Variants in MYO1B observed in about 807,000 individuals in gnomAD.
MYO1B encodes myosin IB.
In MYO1B, 72 loss-of-function variants were observed where a neutral mutation model predicts 159.7. That is an observed-to-expected ratio of 0.45 (90% CI 0.37 to 0.55). MYO1B has a LOEUF of 0.55. Among genes scored for constraint, MYO1B ranks in the 20% least tolerant of loss-of-function variants. The pLI is 0.00. For missense variants in MYO1B, 1,062 were observed against 1,364.8 expected, an observed-to-expected ratio of 0.78 and a Z score of 3.50; for synonymous variants, 468 against 473.8, an observed-to-expected ratio of 0.99 and a Z score of 0.16.
intron 3 of MYO1B, among the ~76,000 whole-genome samples, chr2:191,315,731 A>G (rs1382547675): frequency 6.6e-6 from 1 of 152,252 alleles, no homozygotes; most frequent in African/African-American, 2.4e-5. Context: ...TTAGTAATGC[A>G]TTTTAGATAG....
Position 191,276,878 on chromosome 2 carries a change from C to A in MYO1B, c.-9-9C>A. On this transcript the variant is annotated splice_polypyrimidine_tract_variant and intron_variant, in intron 1 of 30. Transcript: ENST00000392318. Reference sequence around the variant, plus strand: ...CGTTTAAATTGACCCCTTTCCCTCTCTTCTGCAGCTGGAGACCATGGCCAA... The same window carrying A: ...CGTTTAAATTGACCCCTTTCCCTCTATTCTGCAGCTGGAGACCATGGCCAA... The A allele has an allele frequency of 1.3e-6, 2 of 1,595,738 alleles. No homozygotes were observed. Among genetic ancestry groups the A allele is most frequent in the South Asian group, 1.1e-5 (1 of 88,446 alleles).
chr2:191,314,236 A>G (rs1455108785), intron 3 of MYO1B, among the ~76,000 whole-genome samples: 1 of 152,008 alleles, frequency 6.6e-6, no homozygotes. Context: ...CTGTTCATCC[A>G]TTTTTCATGT....
At chr2:191,288,398 C>T (rs1688507077) in intron 2 of MYO1B, among the ~76,000 whole-genome samples, 1 of 152,154 alleles carries the variant, frequency 6.6e-6, no homozygotes. Context: ...CTGGAGCTTT[C>T]TCGGACCTCT....
Position 191,249,066 on chromosome 2 carries a change from G to C in MYO1B, c.-10+3440G>C, listed in dbSNP as rs117416648. ...ACATTTAAAAATAAGTTCTTTTTTC[G>C]AAACATTTAAAAGTGGTAGAACAGA... On this transcript the variant is annotated intron_variant, in intron 1 of 30. Transcript: ENST00000392318. 6.2e-4 allele frequency among the ~76,000 whole-genome samples: 94 copies of C among 152,080 alleles called. 1 individual carries two copies. The East Asian group carries it at 0.01, about 17-fold the overall frequency.
At chr2:191,381,648 A>G in intron 14 of MYO1B, 82 bp downstream of exon 14, 1 of 1,002,496 alleles carries the variant, frequency 1.0e-6, no homozygotes, top group Non-Finnish European at 1.5e-6. Context: ...TAGCCTAAAC[A>G]AGAAGCCATA....
chr2:191,278,027 C>T (rs1432266770), intron 2 of MYO1B, among the ~76,000 whole-genome samples: 1 of 152,160 alleles, frequency 6.6e-6, no homozygotes, highest in Non-Finnish European at 1.5e-5. Context: ...AAATTATATG[C>T]AAATTATGAG....
intron 18 of MYO1B, among the ~76,000 whole-genome samples, chr2:191,390,866 G>C (rs1037868142): frequency 1.3e-5 from 2 of 152,224 alleles, no homozygotes; most frequent in Non-Finnish European, 2.9e-5. Flanking sequence ...CAGTGGATGG[G>C]TGAAGGTCCC....
At chr2:191,251,054 G>T (rs543620802) in intron 1 of MYO1B, among the ~76,000 whole-genome samples, 7 of 152,306 alleles carry the variant, frequency 4.6e-5, no homozygotes, top group African/African-American at 1.7e-4. Context: ...CTGCTTCTCA[G>T]TTTATCCTTT....
chr2:191,275,799 GTTTTACCA>G (rs928690531), intron 1 of MYO1B, among the ~76,000 whole-genome samples: 11 of 152,164 alleles, frequency 7.2e-5, no homozygotes, highest in African/African-American at 2.4e-4. Flanking sequence ...GATGAATTTA[GTTTTACCA>G]TTTTACCATT....
At chr2:191,300,082 G>A (rs1689217480) in intron 3 of MYO1B, among the ~76,000 whole-genome samples, 2 of 152,104 alleles carry the variant, frequency 1.3e-5, no homozygotes, top group Admixed American at 6.5e-5. Context: ...CTTTGCAGAT[G>A]TTCATCTTTG....
intron 2 of MYO1B, among the ~76,000 whole-genome samples, chr2:191,292,413 C>T (rs574514719): frequency 6.6e-6 from 1 of 152,054 alleles, no homozygotes; most frequent in African/African-American, 2.4e-5. Flanking sequence ...TAGAACAGCT[C>T]GAAGCAGTGA....
chr2:191,363,663 T>C (rs1463526622), intron 9 of MYO1B, 65 bp from the exon 10 acceptor site: 32 of 1,519,018 alleles, frequency 2.1e-5, no homozygotes, highest in Non-Finnish European at 2.7e-5. Context: ...GTAATATGAT[T>C]CATTAAAAAA....
At chr2:191,382,948 C>T (rs940850766) in intron 14 of MYO1B, among the ~76,000 whole-genome samples, 1 of 152,092 alleles carries the variant, frequency 6.6e-6, no homozygotes, top group Admixed American at 6.5e-5. Flanking sequence ...TGTAAACATA[C>T]ACAACGTAAT....
chr2:191,267,736 A>G (rs1369120677), intron 1 of MYO1B, among the ~76,000 whole-genome samples: 4 of 152,188 alleles, frequency 2.6e-5, no homozygotes, highest in Non-Finnish European at 5.9e-5. Flanking sequence ...CTGCTTGAGT[A>G]AATTGTCCTA....
intron 11 of MYO1B, among the ~76,000 whole-genome samples, chr2:191,369,101 TATC>T (rs1405762826): frequency 6.6e-6 from 1 of 152,226 alleles, no homozygotes; most frequent in Non-Finnish European, 1.5e-5. Context: ...AAAAAATAGT[TATC>T]ATATTAAGTA....
At chr2:191,366,198 A>T (rs1442077800) in intron 11 of MYO1B, among the ~76,000 whole-genome samples, 2 of 152,190 alleles carry the variant, frequency 1.3e-5, no homozygotes, top group African/African-American at 4.8e-5. Context: ...GGGTCTTTTT[A>T]AAATTGTGTG....
intron 1 of MYO1B, among the ~76,000 whole-genome samples, chr2:191,268,836 T>C (rs1687293902): frequency 6.6e-6 from 1 of 152,158 alleles, no homozygotes; most frequent in Admixed American, 6.5e-5. Flanking sequence ...TTTGGGCTGG[T>C]GTATACCCAC....
intron 27 of MYO1B, among the ~76,000 whole-genome samples, chr2:191,412,627 C>G (rs1420318822): frequency 6.6e-6 from 1 of 152,216 alleles, no homozygotes; most frequent in African/African-American, 2.4e-5. Context: ...TTTTTCTTCC[C>G]TTATCCTCCA....
At chr2:191,374,567 A>G (rs1694579510) in intron 13 of MYO1B, among the ~76,000 whole-genome samples, 1 of 152,222 alleles carries the variant, frequency 6.6e-6, no homozygotes, top group South Asian at 2.1e-4. Context: ...AAACTGATGC[A>G]TTAAACCATG....
Sources: allele counts gnomAD v4.1 joint callset (sites outside exome capture counted in the v4.1 genomes callset), GRCh38; gene constraint gnomAD v4.1.1; transcripts MANE v1.5; gene names NCBI Gene and HGNC (gene_info 2026-07-23, HGNC 2026-07-21).